The following CD2AP variants were observed in gnomAD, a reference collection of about 807,000 sequenced individuals.
CD2AP encodes CD2-associated protein.
Under a neutral mutation model 85.1 loss-of-function variants are expected in CD2AP, and 46 were observed. The ratio of observed to expected loss-of-function variants is 0.54; its 90% CI spans 0.43 to 0.69. CD2AP has a LOEUF of 0.69. Ranked by LOEUF, CD2AP falls within the 30% of genes least tolerant of loss-of-function variation. The pLI is 0.00. For synonymous variants in CD2AP, 255 were observed against 252.9 expected, an observed-to-expected ratio of 1.01 and a Z score of -0.08; for missense variants, 769 against 729.5, an observed-to-expected ratio of 1.05 and a Z score of -0.62.
intron 12 of CD2AP, among the ~76,000 whole-genome samples, 180 bp from the exon 13 acceptor site, chr6:47,599,121 T>C (rs1202514627): frequency 7.2e-6 from 1 of 139,162 alleles, no homozygotes; most frequent in African/African-American, 2.5e-5. Context: ...TAAACTGTTC[T>C]CACATTTTTT....
At chr6:47,527,911 A>C (rs149469132) in intron 2 of CD2AP, among the ~76,000 whole-genome samples, 1 of 152,056 alleles carries the variant, frequency 6.6e-6, no homozygotes, top group Non-Finnish European at 1.5e-5. Flanking sequence ...CTTTACCTAC[A>C]TTTGTTTTTT....
intron 14 of CD2AP, 25 bp downstream of exon 14, chr6:47,606,302 C>A: frequency 7.8e-7 from 1 of 1,279,614 alleles, no homozygotes; most frequent in South Asian, 1.2e-5. Flanking sequence ...TTGTCGTAAA[C>A]TACAGTATAT....
chr6:47,611,089 T>C (rs1769427252), intron 16 of CD2AP, among the ~76,000 whole-genome samples: 1 of 148,360 alleles, frequency 6.7e-6, no homozygotes, highest in Admixed American at 6.7e-5. Context: ...TTTTAATATC[T>C]AAAAAACTTG....
rs932277264 is a variant in CD2AP at position 47,602,909 on chromosome 6, C to CA, written c.1418-3247dup. Among the ~76,000 whole-genome samples the CA allele has an allele frequency of 2.2e-3, 321 of 148,630 alleles. 1 individual carries two copies. The highest frequency in any genetic ancestry group is 6.6e-3 in the African/African-American group (268 of 40,526). On this transcript the variant is annotated intron_variant, in intron 13 of 17. Transcript: ENST00000359314. ...AGTGAGACCCTGTCTCAAAAATAAA[C>CA]AAAAAAAAAGCAATTTTAAAGAAAC...
chr6:47,504,492 C>T (rs1309335207), intron 2 of CD2AP, among the ~76,000 whole-genome samples: 2 of 152,166 alleles, frequency 1.3e-5, no homozygotes, highest in African/African-American at 2.4e-5. Flanking sequence ...TATAAAATGG[C>T]ATAGTATTTG....
intron 1 of CD2AP, among the ~76,000 whole-genome samples, chr6:47,500,021 C>G (rs997989267): frequency 2.6e-5 from 4 of 152,046 alleles, no homozygotes; most frequent in African/African-American, 9.7e-5. Flanking sequence ...GAGCCACTGC[C>G]CCTGCAGGAG....
At chr6:47,487,579 G>T (rs918721392) in intron 1 of CD2AP, among the ~76,000 whole-genome samples, 3 of 151,978 alleles carry the variant, frequency 2.0e-5, no homozygotes, top group African/African-American at 7.3e-5. Context: ...AGTCCCAGCT[G>T]CTCGGGAGGC....
At chr6:47,603,126 A>G (rs769252314) in intron 13 of CD2AP, among the ~76,000 whole-genome samples, 1 of 152,054 alleles carries the variant, frequency 6.6e-6, no homozygotes, top group Admixed American at 6.6e-5. Context: ...ATAAAAAGTG[A>G]GCCTATATCT....
chr6:47,599,280 C>T (rs762773136), intron 12 of CD2AP, 21 bp from the exon 13 acceptor site: 15 of 1,606,378 alleles, frequency 9.3e-6, no homozygotes, highest in East Asian at 2.2e-5. Flanking sequence ...GTGATTTTTG[C>T]GTGTTTTTTT....
At chr6:47,526,549 C>G (rs1026550606) in intron 2 of CD2AP, among the ~76,000 whole-genome samples, 5 of 152,014 alleles carry the variant, frequency 3.3e-5, no homozygotes, top group Non-Finnish European at 7.4e-5. Flanking sequence ...GATTATGTCC[C>G]AGAGAAAATT....
At chr6:47,554,114 C>T (rs1000545392) in intron 4 of CD2AP, among the ~76,000 whole-genome samples, 4 of 151,798 alleles carry the variant, frequency 2.6e-5, no homozygotes, top group Non-Finnish European at 4.4e-5. Flanking sequence ...GATTTCACCA[C>T]GTTGCCCAGG....
chr6:47,482,440 G>A (rs2113956891), intron 1 of CD2AP, among the ~76,000 whole-genome samples: 2 of 149,434 alleles, frequency 1.3e-5, no homozygotes, highest in Middle Eastern at 3.4e-3. Flanking sequence ...GTGCAGTGGC[G>A]CGATCTCGGC....
At chr6:47,558,077 CT>C (rs1337618623) in intron 5 of CD2AP, among the ~76,000 whole-genome samples, 2 of 151,594 alleles carry the variant, frequency 1.3e-5, no homozygotes, top group African/African-American at 4.8e-5. Context: ...TATTTTATTC[CT>C]TTTGTAGCCA....
intron 5 of CD2AP, among the ~76,000 whole-genome samples, chr6:47,569,642 G>C (rs757547693): frequency 2.6e-5 from 4 of 151,838 alleles, no homozygotes; most frequent in Non-Finnish European, 2.9e-5. Context: ...TTTCTTAGGA[G>C]GAGTCAGCTG....
intron 13 of CD2AP, among the ~76,000 whole-genome samples, chr6:47,601,590 TCG>T (rs1769135541): frequency 6.6e-6 from 1 of 152,066 alleles, no homozygotes; most frequent in East Asian, 1.9e-4. Flanking sequence ...GTAGTGTATG[TCG>T]TAAGCATTAA....
intron 2 of CD2AP, among the ~76,000 whole-genome samples, chr6:47,532,697 G>A (rs1043874737): frequency 6.6e-6 from 1 of 151,922 alleles, no homozygotes; most frequent in Non-Finnish European, 1.5e-5. Context: ...AACTCCCTCC[G>A]CTTTCTTTTC....
chr6:47,621,268 T>A (rs1009689779), intron 17 of CD2AP, among the ~76,000 whole-genome samples: 2 of 152,226 alleles, frequency 1.3e-5, no homozygotes, highest in African/African-American at 2.4e-5. Context: ...TGCTGGATGT[T>A]GTCGAATGTT....
Position 47,532,571 on chromosome 6 carries a change from A to G in CD2AP, c.166-1031A>G, listed in dbSNP as rs1761324675. 2.0e-5 allele frequency among the ~76,000 whole-genome samples: 3 copies of G among 152,106 alleles called. No individual in the cohort carries two copies. The South Asian group carries it at 6.2e-4, about 32-fold the overall frequency. ...TCCTCATTTTTTTCTGTTTTAAATGAAGTTTGTCTGTTTATGGATTTCCTA... is the reference window on the plus strand; with the variant it reads ...TCCTCATTTTTTTCTGTTTTAAATGGAGTTTGTCTGTTTATGGATTTCCTA... On this transcript the variant is annotated intron_variant, in intron 2 of 17. Coordinates refer to ENST00000359314, the MANE Select transcript of CD2AP (RefSeq NM_012120.3).
intron 12 of CD2AP, among the ~76,000 whole-genome samples, chr6:47,598,422 G>A (rs1012034713): frequency 1.3e-5 from 2 of 150,850 alleles, no homozygotes; most frequent in African/African-American, 4.9e-5. Context: ...AGGAAAATAA[G>A]TTATTATATG....
Sources: allele counts gnomAD v4.1 joint callset (sites outside exome capture counted in the v4.1 genomes callset), GRCh38; gene constraint gnomAD v4.1.1; transcripts MANE v1.5; gene names NCBI Gene and HGNC (gene_info 2026-07-23, HGNC 2026-07-21).